Variants in CCDC148 observed in about 807,000 individuals in gnomAD.
CCDC148 encodes coiled-coil domain-containing protein 148.
A neutral mutation model predicts 85.7 loss-of-function variants in CCDC148; 89 were observed. That is an observed-to-expected ratio of 1.04 (90% CI 0.87 to 1.24). CCDC148 has a LOEUF of 1.24. Ranked by LOEUF, CCDC148 falls within the 50% of genes most tolerant of loss-of-function variation. The probability of loss-of-function intolerance (pLI) is 0.00; values close to 1 mark genes in which losing one functional copy is unlikely to be tolerated. For synonymous variants in CCDC148, 230 were observed against 213.9 expected (o/e 1.08, Z -0.66); for missense variants, 692 against 671.7 (o/e 1.03, Z -0.33).
chr2:158,280,607 A>G (rs1358330863), intron 9 of CCDC148, among the ~76,000 whole-genome samples: 6 of 152,048 alleles, frequency 3.9e-5, no homozygotes, highest in Non-Finnish European at 5.9e-5. Context: ...CCCAATACAG[A>G]AGCACCCAGA....
At chr2:158,285,031 T>C (rs1290723460) in intron 9 of CCDC148, among the ~76,000 whole-genome samples, 2 of 152,226 alleles carry the variant, frequency 1.3e-5, no homozygotes, top group Non-Finnish European at 2.9e-5. Flanking sequence ...CTCATACTTG[T>C]AATCTCAACA....
chr2:158,217,366 G>GTATATATATATATATAAAATTT (rs2105298308), intron 11 of CCDC148, among the ~76,000 whole-genome samples: 1 of 78,168 alleles, frequency 1.3e-5, no homozygotes, highest in African/African-American at 4.2e-5. Flanking sequence ...AAAATTTTGT[G>GTATATATATATATATAAAATTT]TGTGTGTGTA....
At position 158,340,297 on chromosome 2, in the gene CCDC148, G is replaced by C. The variant is rs1365166980; in HGVS notation, c.431C>G (p.Thr144Ser). The C allele has an allele frequency of 6.2e-7, 1 of 1,613,938 alleles. No individual in the cohort carries two copies. Among genetic ancestry groups the C allele is most frequent in the Non-Finnish European group, 8.5e-7 (1 of 1,179,930 alleles). ...RADLKYRQHH[T>S]LQHSHPHIEF... ...AATATGTGGGTGTGAATGCTGCAAA[G>C]TGTGATGCTGTCTGTATTTTAGATC... The change falls in exon 5 of 14, where the codon ACT becomes AGT. Residue 144 changes from threonine (T) to serine (S), a missense_variant. By Grantham distance (58) the Thr-to-Ser change is moderately conservative. Coordinates refer to ENST00000283233, the MANE Select transcript of CCDC148 (RefSeq NM_138803.4).
chr2:158,251,012 T>A, intron 9 of CCDC148, 100 bp from the exon 10 acceptor site: 1 of 1,065,428 alleles, frequency 9.4e-7, no homozygotes, highest in Non-Finnish European at 1.3e-6. Flanking sequence ...GATGTCACTT[T>A]TTTTCCAAAT....
intron 9 of CCDC148, among the ~76,000 whole-genome samples, chr2:158,286,339 A>T (rs887334643): frequency 1.3e-5 from 2 of 152,228 alleles, no homozygotes; most frequent in African/African-American, 4.8e-5. Flanking sequence ...TGAAAAAAAG[A>T]CAAAACAACT....
chr2:158,311,030 C>G (rs905233558), intron 8 of CCDC148, among the ~76,000 whole-genome samples: 23 of 151,818 alleles, frequency 1.5e-4, no homozygotes, highest in African/African-American at 5.6e-4. Context: ...TCCCAGAAGA[C>G]GGGTGGCCAG....
At chr2:158,211,741 C>G (rs1686588805) in intron 11 of CCDC148, among the ~76,000 whole-genome samples, 1 of 152,194 alleles carries the variant, frequency 6.6e-6, no homozygotes, top group African/African-American at 2.4e-5. Flanking sequence ...AAATCATCAT[C>G]CAAGACCTCT....
In CCDC148 at chr2:158,279,424, T is replaced by C. The variant is rs1323319786; in HGVS notation, c.1111-28512A>G. ...AACAAGAATAACTAATACAGAGAAG[T>C]GCTTAAAGGAGCTGATGGAGCTGAA... On this transcript the variant is annotated intron_variant, in intron 9 of 13. Coordinates refer to ENST00000283233, the MANE Select transcript of CCDC148 (RefSeq NM_138803.4). Among the ~76,000 whole-genome samples, 6 of 152,232 alleles carry C rather than the reference T, an allele frequency of 3.9e-5. No individual in the cohort carries two copies. In the East Asian group the frequency reaches 1.2e-3, roughly 29 times the overall value.
intron 9 of CCDC148, among the ~76,000 whole-genome samples, chr2:158,276,612 T>C (rs184525914): frequency 5.5e-4 from 82 of 149,284 alleles, no homozygotes; most frequent in African/African-American, 1.8e-3. Flanking sequence ...CTCATTATAC[T>C]CGTGAGCTGC....
intron 11 of CCDC148, among the ~76,000 whole-genome samples, chr2:158,192,998 T>G (rs985940665): frequency 6.6e-6 from 1 of 152,178 alleles, no homozygotes; most frequent in African/African-American, 2.4e-5. Context: ...TGACTCAAAT[T>G]TTAATCTTTA....
rs1279753606 is a variant in CCDC148 at position 158,365,964 on chromosome 2, T to C, written c.26-7394A>G. ...TTCCAATTGTGTATCATTTCAAAAG[T>C]ACATAATCCACTGTAAATAATAAAA... is the stretch of plus-strand genomic sequence containing the variant. On this transcript the variant is annotated intron_variant, in intron 1 of 13. Transcript: ENST00000283233. The C allele has an allele frequency of 8.0e-6, 10 of 1,255,984 alleles. No individual in the cohort carries two copies. The East Asian group carries it at 2.3e-4, about 29-fold the overall frequency. The allele number at this position is 1,255,984 out of a possible 1,614,324, so 77.8% of individuals were successfully genotyped here. A position where few individuals can be genotyped will look rare whatever the true frequency, so the allele number is the denominator to read the frequency against.
At chr2:158,328,792 G>A (rs1413073284) in intron 7 of CCDC148, among the ~76,000 whole-genome samples, 2 of 152,152 alleles carry the variant, frequency 1.3e-5, no homozygotes, top group African/African-American at 4.8e-5. Context: ...TCATGTGTCT[G>A]CTGACTGCAT....
chr2:158,319,426 G>T (rs1439716352), intron 7 of CCDC148, among the ~76,000 whole-genome samples: 1 of 152,194 alleles, frequency 6.6e-6, no homozygotes, highest in African/African-American at 2.4e-5. Context: ...GTCCTCTGGG[G>T]CAAAGGTTTC....
At chr2:158,183,539 T>C (rs2105265938) in intron 11 of CCDC148, among the ~76,000 whole-genome samples, 2 of 152,230 alleles carry the variant, frequency 1.3e-5, no homozygotes, top group South Asian at 4.1e-4. Context: ...AAATGGTCAA[T>C]AGTGGCAAGT....
intron 7 of CCDC148, among the ~76,000 whole-genome samples, chr2:158,319,677 T>C (rs941597656): frequency 1.3e-5 from 2 of 152,214 alleles, no homozygotes; most frequent in Non-Finnish European, 2.9e-5. Flanking sequence ...TAGCTAAAGA[T>C]AATTTGACAG....
At chr2:158,272,808 A>G (rs1450102278) in intron 9 of CCDC148, among the ~76,000 whole-genome samples, 1 of 152,224 alleles carries the variant, frequency 6.6e-6, no homozygotes, top group East Asian at 1.9e-4. Flanking sequence ...AATGAAATCC[A>G]GAATGTATCT....
intron 11 of CCDC148, among the ~76,000 whole-genome samples, chr2:158,181,726 G>C (rs540576620): frequency 6.6e-6 from 1 of 152,240 alleles, no homozygotes; most frequent in South Asian, 2.1e-4. Flanking sequence ...TGTCTTAAAA[G>C]ACATTCAGAA....
At chr2:158,408,502 C>T (rs114532621) in intron 1 of CCDC148, among the ~76,000 whole-genome samples, 7,187 of 152,136 alleles carry the variant, frequency 0.047, 251 homozygotes, top group Non-Finnish European at 0.062. Context: ...CTGTACCTGG[C>T]TTATTTCACT....
chr2:158,301,905 G>C (rs1219624417), intron 9 of CCDC148, among the ~76,000 whole-genome samples: 1 of 152,196 alleles, frequency 6.6e-6, no homozygotes, highest in African/African-American at 2.4e-5. Flanking sequence ...TCTTTCAAAG[G>C]ATTGATTTCA....
Sources: gnomAD v4.1 joint callset for allele counts (sites outside exome capture counted in the v4.1 genomes callset) on GRCh38, gnomAD v4.1.1 for gene constraint, MANE v1.5 for transcripts, NCBI Gene and HGNC (gene_info 2026-07-23, HGNC 2026-07-21) for gene names.